ZFHX3: variants seen among roughly 807,000 people sequenced by gnomAD.
ZFHX3 encodes the protein zinc finger homeobox protein 3.
A neutral mutation model predicts 279.1 loss-of-function variants in ZFHX3; 42 were observed. The ratio of observed to expected loss-of-function variants is 0.15; its 90% CI spans 0.12 to 0.19. The LOEUF is 0.19. ZFHX3 is among the 10% of genes least tolerant of loss of function. The pLI is 1.00. For synonymous variants in ZFHX3, 2,293 were observed against 1,957.8 expected, an observed-to-expected ratio of 1.17 and a Z score of -4.52; for missense variants, 4,981 against 4,754.0, an observed-to-expected ratio of 1.05 and a Z score of -1.40.
intron 3 of ZFHX3, among the ~76,000 whole-genome samples, chr16:73,331,910 C>T (rs777615249): frequency 2.0e-5 from 3 of 152,098 alleles, no homozygotes; most frequent in Admixed American, 2.0e-4. Flanking sequence ...CAGCTAGCAT[C>T]ACACAGGAAG....
chr16:72,944,774 T>C (rs1960581946), intron 3 of ZFHX3, among the ~76,000 whole-genome samples: 1 of 151,988 alleles, frequency 6.6e-6, no homozygotes, highest in Non-Finnish European at 1.5e-5. Flanking sequence ...TTTTAAGAAA[T>C]AATTAAGAAT....
intron 4 of ZFHX3, among the ~76,000 whole-genome samples, chr16:73,283,244 C>T (rs950327856): frequency 1.1e-4 from 17 of 152,130 alleles, no homozygotes; most frequent in East Asian, 5.8e-4. Flanking sequence ...TTCTCATCCT[C>T]GTTTTGGTAT....
intron 1 of ZFHX3, among the ~76,000 whole-genome samples, chr16:73,788,131 A>G (rs1959709821): frequency 6.6e-6 from 1 of 152,154 alleles, no homozygotes; most frequent in Non-Finnish European, 1.5e-5. Flanking sequence ...TAGCTGTAGG[A>G]GAAGGTGGCA....
Position 72,787,597 on chromosome 16 carries a change from C to G in ZFHX3, c.10679G>C (p.Arg3560Thr), listed in dbSNP as rs368639443. 8 of 1,613,904 alleles carry G rather than the reference C, an allele frequency of 5.0e-6. No individual in the cohort carries two copies. Among genetic ancestry groups the G allele is most frequent in the Non-Finnish European group, 5.9e-6 (7 of 1,179,962 alleles). The change falls in exon 10 of 10, where the codon AGA becomes ACA. Residue 3560 changes from arginine to threonine, a missense_variant. Physicochemically the swap from Arg to Thr is moderately conservative, Grantham distance 71. Coordinates refer to ENST00000268489, the MANE Select transcript of ZFHX3 (RefSeq NM_006885.4). Reference sequence around the variant, plus strand: ...GTGCTCTTTGGCGTTTCTTGCTGCTCTCGTGATTGTTCTGTGTTTGTGCAA... The same window carrying G: ...GTGCTCTTTGGCGTTTCTTGCTGCTGTCGTGATTGTTCTGTGTTTGTGCAA... Reference protein sequence around the residue: ...SALHKHRTITRAARNAKEHPS... With the variant: ...SALHKHRTITTAARNAKEHPS...
chr16:73,861,659 G>A (rs1364472110), intron 1 of ZFHX3, among the ~76,000 whole-genome samples: 1 of 152,144 alleles, frequency 6.6e-6, no homozygotes, highest in Admixed American at 6.5e-5. Flanking sequence ...GGGTAAATCT[G>A]AATTGCCGTG....
intron 5 of ZFHX3, among the ~76,000 whole-genome samples, chr16:73,200,522 G>T (rs1567416803): frequency 6.6e-6 from 1 of 152,084 alleles, no homozygotes. Context: ...TTAAATAAAA[G>T]ATCCCTTGAA....
chr16:73,173,864 T>C lies in ZFHX3; in HGVS notation c.-1103-30033A>G, dbSNP rs186764718. Among the ~76,000 whole-genome samples, 746 of 152,266 alleles carry C rather than the reference T, an allele frequency of 4.9e-3. 2 individuals are homozygous for C. Among genetic ancestry groups the C allele is most frequent in the Non-Finnish European group, 6.7e-3 (453 of 68,012 alleles). On this transcript the variant is annotated intron_variant, in intron 5 of 17. Coordinates refer to the ZFHX3 transcript ENST00000641206. ...ATGGCAGAAAGGGGAAGGAATAAAA[T>C]GCTCTCCCATAAACCCCTTCGGACC...
chr16:72,885,312 G>GA (rs1567564460), intron 4 of ZFHX3, among the ~76,000 whole-genome samples: 1 of 152,258 alleles, frequency 6.6e-6, no homozygotes, highest in East Asian at 1.9e-4. Flanking sequence ...GCAGGACTTA[G>GA]ATGTACGTGC....
In ZFHX3 at chr16:72,787,524, T is replaced by C. The variant is rs759525031; in HGVS notation, c.10752A>G (p.Ala3584=). The C allele has an allele frequency of 6.8e-6, 11 of 1,613,964 alleles. No homozygotes were observed. In the South Asian group the frequency reaches 1.2e-4, roughly 18 times the overall value. ...HSACFPDPST[A]STSQSAAHSN... ...AGTGAGCGGCAGACTGCGAGGTAGATGCGGTGCTAGGATCGGGGAAGCAGG... is the reference window on the plus strand; with the variant it reads ...AGTGAGCGGCAGACTGCGAGGTAGACGCGGTGCTAGGATCGGGGAAGCAGG... Residue 3584 remains alanine (A), a synonymous_variant, in exon 10 of 10, where the codon GCA becomes GCG. Transcript: ENST00000268489.
chr16:73,764,899 A>C (rs557500390), intron 1 of ZFHX3, among the ~76,000 whole-genome samples: 1 of 152,132 alleles, frequency 6.6e-6, no homozygotes, highest in African/African-American at 2.4e-5. Flanking sequence ...GCCAGATTTT[A>C]AATCTTCTGT....
At chr16:73,344,430 G>C (rs1483648816) in intron 3 of ZFHX3, among the ~76,000 whole-genome samples, 1 of 152,246 alleles carries the variant, frequency 6.6e-6, no homozygotes, top group Non-Finnish European at 1.5e-5. Context: ...AAAGAAACTA[G>C]AGAGATGTGA....
intron 5 of ZFHX3, among the ~76,000 whole-genome samples, chr16:73,166,682 C>T (rs1285443462): frequency 1.3e-5 from 2 of 152,138 alleles, no homozygotes; most frequent in Non-Finnish European, 2.9e-5. Context: ...GATGTTTTCT[C>T]CTTCAAACAT....
intron 2 of ZFHX3, among the ~76,000 whole-genome samples, chr16:73,517,092 C>T (rs375943310): frequency 3.9e-5 from 6 of 152,260 alleles, no homozygotes; most frequent in South Asian, 2.1e-4. Flanking sequence ...TCAGGCTGAG[C>T]GGGTCTGTTT....
In ZFHX3 at chr16:73,218,830, T is replaced by G. The variant is rs76229487; in HGVS notation, c.-1104+38217A>C. Among the ~76,000 whole-genome samples the G allele has an allele frequency of 2.0e-5, 3 of 152,290 alleles. No homozygotes were observed. In the East Asian group the frequency reaches 5.8e-4, roughly 29 times the overall value. ...ATGAAATTTATCATTATAATCATTC[T>G]AAGCATATAACTCAGTGTCATTAAG... On this transcript the variant is annotated intron_variant, in intron 5 of 17. Transcript: ENST00000641206.
chr16:72,917,542 G>A (rs1330618962), intron 3 of ZFHX3, among the ~76,000 whole-genome samples: 3 of 152,132 alleles, frequency 2.0e-5, no homozygotes, highest in African/African-American at 7.2e-5. Flanking sequence ...TCATACCACG[G>A]GGTGTTTGGT....
At chr16:73,718,045 G>A (rs913047121) in intron 1 of ZFHX3, among the ~76,000 whole-genome samples, 6 of 152,252 alleles carry the variant, frequency 3.9e-5, no homozygotes, top group Non-Finnish European at 8.8e-5. Context: ...AAACCCTAAC[G>A]TGTTATCTTT....
At chr16:73,609,162 T>A (rs904231107) in intron 2 of ZFHX3, 1 of 152,176 alleles carries the variant, frequency 6.6e-6, no homozygotes, top group Non-Finnish European at 1.5e-5. Context: ...TCTAGTAAAA[T>A]CCCTGACTTA....
At chr16:73,260,689 T>TG (rs1567433282) in intron 4 of ZFHX3, among the ~76,000 whole-genome samples, 1 of 105,306 alleles carries the variant, frequency 9.5e-6, no homozygotes. Context: ...GGTTTTTTTT[T>TG]TTTTTTTTTT....
chr16:73,031,849 G>C (rs1597114572), intron 1 of ZFHX3, among the ~76,000 whole-genome samples: 2 of 152,266 alleles, frequency 1.3e-5, no homozygotes, highest in East Asian at 3.9e-4. Flanking sequence ...GAGAATGGGA[G>C]GAGTTAGAGT....
Sources: gnomAD v4.1 joint callset for allele counts (sites outside exome capture counted in the v4.1 genomes callset) on GRCh38, gnomAD v4.1.1 for gene constraint, MANE v1.5 for transcripts, NCBI Gene and HGNC (gene_info 2026-07-23, HGNC 2026-07-21) for gene names.